The following AKAP6 variants were observed in gnomAD, a reference collection of about 807,000 sequenced individuals.
AKAP6 encodes the protein A-kinase anchoring protein 6, also known as A-kinase anchor protein 6.
A neutral mutation model predicts 188.5 loss-of-function variants in AKAP6; 58 were observed. The observed-to-expected ratio is 0.31, with a 90% CI of 0.25 to 0.38. AKAP6 has a LOEUF of 0.38. Ranked by LOEUF, AKAP6 falls within the 10% of genes least tolerant of loss-of-function variation. The pLI is 1.00. For synonymous variants in AKAP6, 989 were observed against 998.6 expected (o/e 0.99, Z 0.18); for missense variants, 2,710 against 2,740.0 (o/e 0.99, Z 0.24).
intron 2 of AKAP6, among the ~76,000 whole-genome samples, chr14:32,509,304 T>A (rs934920452): frequency 6.6e-6 from 1 of 151,846 alleles, no homozygotes; most frequent in African/African-American, 2.4e-5. Flanking sequence ...TTTTTTGTAT[T>A]TTTAGTAGAG....
At chr14:32,413,789 TATTA>T (rs1313865619) in intron 1 of AKAP6, among the ~76,000 whole-genome samples, 1 of 152,090 alleles carries the variant, frequency 6.6e-6, no homozygotes, top group Admixed American at 6.6e-5. Flanking sequence ...AGTTTGCCTT[TATTA>T]ATTTTATCAC....
At chr14:32,330,142 C>T (rs932726159) in intron 1 of AKAP6, among the ~76,000 whole-genome samples, 4 of 152,012 alleles carry the variant, frequency 2.6e-5, no homozygotes, top group Admixed American at 6.6e-5. Flanking sequence ...CTCCTCTCTG[C>T]GGCAGTTGCA....
At chr14:32,389,716 T>C (rs1888647268) in intron 1 of AKAP6, among the ~76,000 whole-genome samples, 1 of 152,208 alleles carries the variant, frequency 6.6e-6, no homozygotes. Context: ...ATAAATCTGC[T>C]GTTAATCCGA....
intron 3 of AKAP6, among the ~76,000 whole-genome samples, chr14:32,537,397 A>T (rs1882731575): frequency 1.3e-5 from 2 of 152,328 alleles, no homozygotes; most frequent in African/African-American, 4.8e-5. Flanking sequence ...TGTTGTGGTT[A>T]TGGGAGACTA....
intron 1 of AKAP6, among the ~76,000 whole-genome samples, chr14:32,390,910 C>T (rs1888693068): frequency 6.6e-6 from 1 of 152,146 alleles, no homozygotes; most frequent in Non-Finnish European, 1.5e-5. Flanking sequence ...CTAGTCCTGC[C>T]TCCTGTCCGC....
intron 1 of AKAP6, among the ~76,000 whole-genome samples, chr14:32,334,431 G>A (rs1180058613): frequency 2.6e-5 from 4 of 151,978 alleles, no homozygotes; most frequent in Non-Finnish European, 4.4e-5. Context: ...CAACTATCTC[G>A]CTATCATAAT....
intron 2 of AKAP6, among the ~76,000 whole-genome samples, chr14:32,511,950 T>C (rs912291307): frequency 3.9e-5 from 6 of 152,346 alleles, no homozygotes; most frequent in African/African-American, 1.4e-4. Context: ...GTCCCATCCT[T>C]GTAAATCTCT....
At chr14:32,528,495 G>C (rs1882244918) in intron 2 of AKAP6, among the ~76,000 whole-genome samples, 1 of 152,012 alleles carries the variant, frequency 6.6e-6, no homozygotes, top group South Asian at 2.1e-4. Context: ...TTACTTATGG[G>C]GGCCTACCTC....
At position 32,824,717 on chromosome 14, in the gene AKAP6, T is replaced by C; in HGVS notation, c.6904T>C (p.Cys2302Arg). 1.9e-6 allele frequency: 3 copies of C among 1,613,508 alleles called. No homozygotes were observed. The highest frequency in any genetic ancestry group is 2.5e-6 in the Non-Finnish European group (3 of 1,179,814). Residue 2302 changes from cysteine to arginine, a missense_variant, in exon 13 of 14, where the codon TGT (cysteine) becomes CGT (arginine). Coordinates refer to ENST00000280979, the MANE Select transcript of AKAP6 (RefSeq NM_004274.5). The part of the protein sequence containing the change: ...ALHPSPKTLT[C>R]EENLLNLHEK... ...GCATCCCAGCCCCAAAACTTTAACC[T>C]GTGAAGAAAATCTTCTAAACCTTCA...
chr14:32,726,704 G>C (rs1382314888), intron 9 of AKAP6, among the ~76,000 whole-genome samples: 1 of 152,190 alleles, frequency 6.6e-6, no homozygotes, highest in Non-Finnish European at 1.5e-5. Flanking sequence ...ATTTATCATT[G>C]CAGTTTTACA....
rs574625987 is a variant in AKAP6, at chr14:32,696,525, G to A, written c.3000+415G>A. ...CCAGGGAAAAAAGAAATTTGCCTTT[G>A]GTTTGGCTTGCTGCTGCCAAAGTAC... On this transcript the variant is annotated intron_variant, in intron 9 of 13. Coordinates refer to ENST00000280979, the MANE Select transcript of AKAP6 (RefSeq NM_004274.5). Among the ~76,000 whole-genome samples the A allele has an allele frequency of 4.6e-5, 7 of 152,262 alleles. No individual in the cohort carries two copies. In the South Asian group the frequency reaches 1.2e-3, roughly 27 times the overall value.
intron 2 of AKAP6, among the ~76,000 whole-genome samples, chr14:32,462,015 A>G (rs949155933): frequency 1.3e-5 from 2 of 151,974 alleles, no homozygotes; most frequent in Non-Finnish European, 2.9e-5. Context: ...TAAGGTGTGA[A>G]GACAAGATTA....
chr14:32,457,386 T>A (rs1179271916), intron 2 of AKAP6, among the ~76,000 whole-genome samples: 2 of 152,184 alleles, frequency 1.3e-5, no homozygotes, highest in Non-Finnish European at 2.9e-5. Flanking sequence ...TGGCTTCAAA[T>A]GGCCCTGGTG....
chr14:32,552,611 G>A (rs1196835684), intron 4 of AKAP6, among the ~76,000 whole-genome samples: 1 of 152,140 alleles, frequency 6.6e-6, no homozygotes, highest in Admixed American at 6.5e-5. Flanking sequence ...CTTAATGAAG[G>A]AGTGAAAGTA....
rs11417636 is a variant in AKAP6 at position 32,803,291 on chromosome 14, AC to A, written c.3589-18110del. On this transcript the variant is annotated intron_variant, in intron 12 of 13. Coordinates refer to ENST00000280979, the MANE Select transcript of AKAP6 (RefSeq NM_004274.5). ...AAACCCCGTCTCTATAAAAAAAAAA[AC>A]AAAACAAATATTTTTGATGCACAAA... 6.1e-3 allele frequency among the ~76,000 whole-genome samples: 472 copies of A among 77,354 alleles called. 4 individuals are homozygous for A. Among genetic ancestry groups the A allele is most frequent in the African/African-American group, 0.012 (380 of 30,424 alleles). 50.7% of individuals were successfully genotyped at this position (77,354 alleles called of 152,430 possible).
intron 7 of AKAP6, among the ~76,000 whole-genome samples, chr14:32,607,759 A>G (rs1450316694): frequency 6.6e-6 from 1 of 152,178 alleles, no homozygotes; most frequent in Non-Finnish European, 1.5e-5. Context: ...TAGTAAATAC[A>G]TTATCAATTC....
At chr14:32,510,415 T>C (rs1594692320) in intron 2 of AKAP6, among the ~76,000 whole-genome samples, 2 of 54,826 alleles carry the variant, frequency 3.6e-5, no homozygotes, top group African/African-American at 8.1e-5. Flanking sequence ...TATATATATG[T>C]ATATATATAC....
chr14:32,583,142 G>A (rs960067592), intron 5 of AKAP6, among the ~76,000 whole-genome samples: 5 of 152,146 alleles, frequency 3.3e-5, no homozygotes, highest in African/African-American at 1.2e-4. Context: ...GGTCTTTGAT[G>A]ATGGTGATGT....
intron 2 of AKAP6, among the ~76,000 whole-genome samples, chr14:32,463,885 G>C (rs1878230522): frequency 6.6e-6 from 1 of 151,852 alleles, no homozygotes. Context: ...GAATCAAATA[G>C]ACACAATAAA....
Sources: gnomAD v4.1 joint callset for allele counts (sites outside exome capture counted in the v4.1 genomes callset) on GRCh38, gnomAD v4.1.1 for gene constraint, MANE v1.5 for transcripts, NCBI Gene and HGNC (gene_info 2026-07-23, HGNC 2026-07-21) for gene names.